The following STRA8 variants were observed in gnomAD, a reference collection of about 807,000 sequenced individuals.
The protein encoded by STRA8 is stimulated by retinoic acid gene 8 protein homolog.
Under a neutral mutation model 37.1 loss-of-function variants are expected in STRA8, and 18 were observed. The observed-to-expected ratio is 0.48, with a 90% CI of 0.34 to 0.72. The LOEUF (loss-of-function observed/expected upper bound fraction) is 0.72, where lower values mean the gene tolerates loss of function less well. Among genes scored for constraint, STRA8 ranks in the 30% least tolerant of loss-of-function variants. STRA8 has a pLI of 0.01. For missense variants in STRA8, 357 were observed against 410.4 expected (o/e 0.87, Z 1.13); for synonymous variants, 168 against 162.9 (o/e 1.03, Z -0.24).
At chr7:135,235,015 T>C (rs1832348968) in intron 1 of STRA8, among the ~76,000 whole-genome samples, 1 of 152,162 alleles carries the variant, frequency 6.6e-6, no homozygotes. Flanking sequence ...TGGCTGGGAC[T>C]ACAGGCACAT....
chr7:135,240,837 G>A (rs966369169), intron 2 of STRA8, 121 bp downstream of exon 2: 23 of 1,065,338 alleles, frequency 2.2e-5, no homozygotes, highest in Admixed American at 2.6e-5. Context: ...CTGGGGTAGC[G>A]ACAAATGCCC....
rs934611138 is a variant in STRA8 at position 135,240,518 on chromosome 7, G to T, written c.-6-1G>T. On this transcript the variant is annotated splice_acceptor_variant, in intron 1 of 8. Transcript: ENST00000662584. LOFTEE classifies it low-confidence loss of function (5UTR_SPLICE). Reference sequence around the variant, plus strand: ...AAAAAAAGCATACTATTACATTACAGCTTATAATGGCAACCCCTGAAGAAA... The same window carrying T: ...AAAAAAAGCATACTATTACATTACATCTTATAATGGCAACCCCTGAAGAAA... 1.2e-5 allele frequency: 19 copies of T among 1,612,086 alleles called. No individual in the cohort carries two copies. Among genetic ancestry groups the T allele is most frequent in the Non-Finnish European group, 1.5e-5 (18 of 1,179,374 alleles).
chr7:135,246,593 C>T lies in STRA8; in HGVS notation c.770C>T (p.Ala257Val). ...TGGGCGCAGAAGCACCGCGGCCCTG[C>T]GACCCTGGCGGAGGCCTGCCGAGAG... ...QAWAQKHRGP[A>V]TLAEACREPA... The change falls in exon 6 of 9, where the codon GCG becomes GTG. Residue 257 changes from alanine to valine, a missense_variant. Ala to Val is a moderately conservative substitution (Grantham distance 64). Transcript: ENST00000662584. This position sits in a 1 kb window ranked among gnomAD's most constrained non-coding sequence, Gnocchi z 5.4. 1.3e-6 allele frequency: 2 copies of T among 1,539,994 alleles called. No homozygotes were observed. The highest frequency in any genetic ancestry group is 1.2e-5 in the South Asian group (1 of 83,904).
chr7:135,235,667 C>T (rs537049567), intron 1 of STRA8, among the ~76,000 whole-genome samples: 10 of 152,300 alleles, frequency 6.6e-5, no homozygotes, highest in African/African-American at 1.2e-4. Context: ...GTCTTGAACT[C>T]CTTACCTCAG....
Sources: allele counts gnomAD v4.1 joint callset (sites outside exome capture counted in the v4.1 genomes callset), GRCh38; gene constraint gnomAD v4.1.1; non-coding constraint Gnocchi (gnomAD v3.1); transcripts MANE v1.5; gene names NCBI Gene and HGNC (gene_info 2026-07-23, HGNC 2026-07-21).